WWC1: variants seen among roughly 807,000 people sequenced by gnomAD.
WWC1 encodes the protein protein KIBRA.
In WWC1, 55 loss-of-function variants were observed where a neutral mutation model predicts 138.4. That is an observed-to-expected ratio of 0.40 (90% CI 0.32 to 0.50). The LOEUF (loss-of-function observed/expected upper bound fraction) is 0.50. WWC1 is among the 20% of genes least tolerant of loss of function. The pLI is 0.72. For synonymous variants in WWC1, 524 were observed against 564.9 expected, an observed-to-expected ratio of 0.93 and a Z score of 1.03; for missense variants, 1,226 against 1,420.4, an observed-to-expected ratio of 0.86 and a Z score of 2.20.
intron 15 of WWC1, among the ~76,000 whole-genome samples, chr5:168,441,317 G>T (rs894482744): frequency 5.9e-5 from 9 of 152,314 alleles, no homozygotes; most frequent in African/African-American, 2.2e-4. Context: ...AGATTTGCAA[G>T]ATGAGAATGT....
At chr5:168,437,472 C>T (rs1754342182) in intron 15 of WWC1, among the ~76,000 whole-genome samples, 1 of 152,118 alleles carries the variant, frequency 6.6e-6, no homozygotes, top group African/African-American at 2.4e-5. Context: ...ATCTTAGATT[C>T]GATGAAACAC....
intron 9 of WWC1, among the ~76,000 whole-genome samples, chr5:168,417,190 C>CATT (rs3085214): frequency 0.55 from 82,775 of 151,832 alleles, 24,229 homozygotes; most frequent in East Asian, 0.77. Context: ...TAAAAAATGA[C>CATT]ATTTAAGAAT....
chr5:168,398,325 G>A (rs1331154626), intron 4 of WWC1, among the ~76,000 whole-genome samples: 4 of 151,968 alleles, frequency 2.6e-5, no homozygotes, highest in Admixed American at 1.3e-4. Context: ...GGATGGTCTC[G>A]ATCTCCTGAC....
At chr5:168,401,004 A>AAAGG (rs1485641989) in intron 5 of WWC1, among the ~76,000 whole-genome samples, 1 of 150,038 alleles carries the variant, frequency 6.7e-6, no homozygotes, top group Admixed American at 6.6e-5. Flanking sequence ...AGAAAAAAAG[A>AAAGG]AAGGAAGGAA....
intron 1 of WWC1, among the ~76,000 whole-genome samples, chr5:168,306,310 C>T (rs1465013585): frequency 1.3e-5 from 2 of 152,284 alleles, no homozygotes; most frequent in East Asian, 3.9e-4. Context: ...GCAGGGGAAT[C>T]GCTTGAACCC....
At chr5:168,396,179 T>C (rs1013980237) in intron 3 of WWC1, among the ~76,000 whole-genome samples, 2 of 151,830 alleles carry the variant, frequency 1.3e-5, no homozygotes, top group African/African-American at 4.8e-5. Context: ...CAGTCAGGAG[T>C]TCAAGACCAG....
At chr5:168,430,792 G>C (rs1291197461) in intron 14 of WWC1, among the ~76,000 whole-genome samples, 1 of 152,168 alleles carries the variant, frequency 6.6e-6, no homozygotes, top group African/African-American at 2.4e-5. Flanking sequence ...AGTTTTCTCT[G>C]ATCGTAAGGC....
chr5:168,368,078 A>G (rs1776453185), intron 1 of WWC1, among the ~76,000 whole-genome samples: 1 of 148,564 alleles, frequency 6.7e-6, no homozygotes, highest in Non-Finnish European at 1.5e-5. Context: ...AGCAAAATAA[A>G]GAACACTTCA....
chr5:168,449,556 C>T (rs561493902), intron 17 of WWC1, among the ~76,000 whole-genome samples: 14 of 143,958 alleles, frequency 9.7e-5, no homozygotes, highest in Non-Finnish European at 1.4e-4. Context: ...TGTGTGTTCA[C>T]ATGTTTAACA....
At chr5:168,396,159 A>G (rs1454608408) in intron 3 of WWC1, among the ~76,000 whole-genome samples, 1 of 152,150 alleles carries the variant, frequency 6.6e-6, no homozygotes, top group Non-Finnish European at 1.5e-5. Context: ...CCAGGCAGGC[A>G]GATCACCTGC....
intron 5 of WWC1, among the ~76,000 whole-genome samples, chr5:168,401,552 G>A (rs6897282): frequency 0.85 from 129,353 of 152,224 alleles, 55,278 homozygotes; most frequent in East Asian, 1. Flanking sequence ...TCTTTTTCAC[G>A]TCTTCCCACC....
chr5:168,368,183 C>T (rs1441298645), intron 1 of WWC1, among the ~76,000 whole-genome samples: 4 of 151,742 alleles, frequency 2.6e-5, no homozygotes, highest in East Asian at 1.9e-4. Flanking sequence ...CTCCACCTCC[C>T]GGGTTCAAGT....
chr5:168,350,814 C>G (rs1200876957), intron 1 of WWC1, among the ~76,000 whole-genome samples: 5 of 152,200 alleles, frequency 3.3e-5, no homozygotes, highest in South Asian at 4.1e-4. Context: ...GCACCCTCTT[C>G]CCAATTTTTG....
intron 12 of WWC1, 24 bp downstream of exon 12, chr5:168,428,165 C>T: frequency 6.2e-7 from 1 of 1,601,510 alleles, no homozygotes; most frequent in Non-Finnish European, 8.5e-7. Context: ...TGCTGGCTCT[C>T]TCTGTGGCCC....
At chr5:168,357,848 A>G (rs138184752) in intron 1 of WWC1, among the ~76,000 whole-genome samples, 17 of 152,330 alleles carry the variant, frequency 1.1e-4, no homozygotes, top group Non-Finnish European at 2.2e-4. Flanking sequence ...AGCAAGTCAT[A>G]CTTTTCAGAG....
At chr5:168,420,081 T>A (rs923907728) in intron 9 of WWC1, among the ~76,000 whole-genome samples, 4 of 152,230 alleles carry the variant, frequency 2.6e-5, no homozygotes, top group Non-Finnish European at 4.4e-5. Flanking sequence ...CTCAGAATGT[T>A]GTGTGTACTC....
chr5:168,295,400 G>A (rs1465114109), intron 1 of WWC1, among the ~76,000 whole-genome samples: 5 of 151,780 alleles, frequency 3.3e-5, no homozygotes, highest in Non-Finnish European at 7.4e-5. Context: ...GTGGGTTGGG[G>A]AGAAAAAATT....
At chr5:168,322,081 T>A (rs1300405276) in intron 1 of WWC1, among the ~76,000 whole-genome samples, 4 of 152,172 alleles carry the variant, frequency 2.6e-5, no homozygotes, top group Non-Finnish European at 5.9e-5. Context: ...CTTGCCTTTT[T>A]AACTTTCAAC....
intron 20 of WWC1, among the ~76,000 whole-genome samples, chr5:168,461,743 G>C (rs1298192447): frequency 6.6e-6 from 1 of 152,154 alleles, no homozygotes; most frequent in Non-Finnish European, 1.5e-5. Context: ...AGAACCAGAA[G>C]AAACCAGGAG....
Sources: allele counts gnomAD v4.1 joint callset (sites outside exome capture counted in the v4.1 genomes callset), GRCh38; gene constraint gnomAD v4.1.1; transcripts MANE v1.5; gene names NCBI Gene and HGNC (gene_info 2026-07-23, HGNC 2026-07-21).